The following WWC1 variants were observed in gnomAD, a reference collection of about 807,000 sequenced individuals.
The protein encoded by WWC1 is WW and C2 domain containing 1, also known as protein KIBRA.
WWC1 carries 55 observed loss-of-function variants against 138.4 expected under a neutral mutation model. That is an observed-to-expected ratio of 0.40 (90% CI 0.32 to 0.50). WWC1 has a LOEUF of 0.50. WWC1 is among the 20% of genes least tolerant of loss of function. The pLI, the probability that WWC1 is intolerant of heterozygous loss-of-function variation, is 0.72. For synonymous variants in WWC1, 524 were observed against 564.9 expected, an observed-to-expected ratio of 0.93 and a Z score of 1.03; for missense variants, 1,226 against 1,420.4, an observed-to-expected ratio of 0.86 and a Z score of 2.20.
intron 1 of WWC1, among the ~76,000 whole-genome samples, chr5:168,327,724 G>A (rs1772683820): frequency 1.3e-5 from 2 of 152,172 alleles, no homozygotes; most frequent in East Asian, 3.9e-4. Context: ...AAAGGCCAGT[G>A]CTTGTAGATA....
intron 1 of WWC1, among the ~76,000 whole-genome samples, chr5:168,332,816 C>G (rs1343350374): frequency 3.3e-5 from 5 of 152,090 alleles, no homozygotes; most frequent in Non-Finnish European, 1.5e-5. Context: ...TCAAGCCATC[C>G]TCCTGTCTCA....
At position 168,300,581 on chromosome 5, in the gene WWC1, GAA is replaced by G. The variant is rs111744543; in HGVS notation, c.119+8324_119+8325del. On this transcript the variant is annotated intron_variant, in intron 1 of 22. Coordinates refer to ENST00000265293, the MANE Select transcript of WWC1 (RefSeq NM_015238.3). ...TAAGTTCTCACTCAATGGTCAGCCA[GAA>G]AAAAAAAAAAAAATGAAGCTGCATC... 4.1e-3 allele frequency among the ~76,000 whole-genome samples: 568 copies of G among 137,202 alleles called. 4 individuals carry two copies. The highest frequency in any genetic ancestry group is 0.013 in the African/African-American group (502 of 37,222). 90.0% of individuals were successfully genotyped at this position (137,202 alleles called of 152,430 possible).
chr5:168,458,572 GC>G (rs1204830387), intron 19 of WWC1, among the ~76,000 whole-genome samples: 1 of 152,168 alleles, frequency 6.6e-6, no homozygotes, highest in Non-Finnish European at 1.5e-5. Context: ...GCTCTCCTCA[GC>G]CCCCATGTAT....
In WWC1 at chr5:168,385,308, A is replaced by G. The variant is rs763209673; in HGVS notation, c.327A>G (p.Ala109=). 20 of 1,613,984 alleles carry G rather than the reference A, an allele frequency of 1.2e-5. No individual in the cohort carries two copies. Among genetic ancestry groups the G allele is most frequent in the Admixed American group, 5.0e-5 (3 of 59,994 alleles). Residue 109 remains alanine, a synonymous_variant, in exon 3 of 23, where the codon GCA becomes GCG. Transcript: ENST00000265293. ...TGGTGGCCCAGGAGGCTCTGAGTGC[A>G]CAAAAGGAGATCTACCAGGTGAAGC... ...YLVVAQEALS[A]QKEIYQVKQQ... is the part of the protein sequence containing the mutation.
chr5:168,335,817 A>G (rs1008539298), intron 1 of WWC1, among the ~76,000 whole-genome samples: 1 of 152,250 alleles, frequency 6.6e-6, no homozygotes, highest in African/African-American at 2.4e-5. Context: ...AGATATGATT[A>G]CTTTCATTTC....
Position 168,423,890 on chromosome 5 carries a change from C to T in WWC1, c.1632C>T (p.Ser544=), listed in dbSNP as rs2302999. The change falls in exon 11 of 23, where the codon TCC becomes TCT. Residue 544 remains serine, a synonymous_variant. Coordinates refer to ENST00000265293, the MANE Select transcript of WWC1 (RefSeq NM_015238.3). Reference sequence around the variant, plus strand: ...CACGTTCCTCTCTCTCCTCCCCCTCCCCACCCTGTTCCCCTCTCATGGCTG... The same window carrying T: ...CACGTTCCTCTCTCTCCTCCCCCTCTCCACCCTGTTCCCCTCTCATGGCTG... The part of the protein sequence containing the change: ...LSPRSSLSSP[S]PPCSPLMADP... The T allele has an allele frequency of 2.3e-4, 365 of 1,614,116 alleles. 1 individual carries two copies. In the East Asian group the frequency reaches 4.7e-3, roughly 21 times the overall value.
At chr5:168,325,161 T>A (rs1449631206) in intron 1 of WWC1, among the ~76,000 whole-genome samples, 1 of 152,206 alleles carries the variant, frequency 6.6e-6, no homozygotes, top group Non-Finnish European at 1.5e-5. Context: ...ACCACGTGTG[T>A]CCTCCTTGTC....
intron 20 of WWC1, 136 bp downstream of exon 20, chr5:168,460,878 G>A: frequency 1.1e-6 from 1 of 875,222 alleles, no homozygotes; most frequent in Non-Finnish European, 1.8e-6. Context: ...GCTCTCTCAA[G>A]CATTTGCGAA....
At chr5:168,338,907 A>G (rs959687388) in intron 1 of WWC1, among the ~76,000 whole-genome samples, 3 of 152,194 alleles carry the variant, frequency 2.0e-5, no homozygotes, top group Non-Finnish European at 4.4e-5. Flanking sequence ...CTAGTGTTCT[A>G]TAGCACTAAA....
At chr5:168,378,640 A>G (rs1258820806) in intron 2 of WWC1, among the ~76,000 whole-genome samples, 1 of 152,164 alleles carries the variant, frequency 6.6e-6, no homozygotes, top group Non-Finnish European at 1.5e-5. Flanking sequence ...CTTTTAGTAT[A>G]TATTGCTAGA....
intron 1 of WWC1, among the ~76,000 whole-genome samples, chr5:168,339,845 C>CTTTCT (rs1773844641): frequency 6.8e-6 from 1 of 146,664 alleles, no homozygotes; most frequent in African/African-American, 2.6e-5. Flanking sequence ...TCTTTTCTTT[C>CTTTCT]TTTCTTTCTC....
At chr5:168,346,313 C>T (rs72828879) in intron 1 of WWC1, among the ~76,000 whole-genome samples, 6,817 of 152,284 alleles carry the variant, frequency 0.045, 229 homozygotes, top group Non-Finnish European at 0.068. Context: ...AGTGCGAGCC[C>T]AGTGTCACAG....
chr5:168,320,034 CTT>C (rs199986266), intron 1 of WWC1, among the ~76,000 whole-genome samples: 9 of 140,586 alleles, frequency 6.4e-5, no homozygotes, highest in Admixed American at 1.4e-4. Flanking sequence ...TATATATACA[CTT>C]TTTTTTTTTT....
chr5:168,343,043 A>T (rs898826338), intron 1 of WWC1, among the ~76,000 whole-genome samples: 1 of 151,962 alleles, frequency 6.6e-6, no homozygotes, highest in Non-Finnish European at 1.5e-5. Context: ...TTGTTTTATG[A>T]CCACCATCCA....
chr5:168,388,762 G>A (rs533655187), intron 3 of WWC1, among the ~76,000 whole-genome samples: 5 of 151,748 alleles, frequency 3.3e-5, no homozygotes, highest in African/African-American at 4.8e-5. Context: ...CCTGGGAGGC[G>A]GAGGTTGCAG....
At chr5:168,403,006 TTTTCTTTC>T (rs72242963) in intron 5 of WWC1, among the ~76,000 whole-genome samples, 9,733 of 105,100 alleles carry the variant, frequency 0.093, 562 homozygotes, top group Non-Finnish European at 0.12. Context: ...TGTTGTTTCT[TTTTCTTTC>T]TTTCTTTCTT....
intron 21 of WWC1, among the ~76,000 whole-genome samples, chr5:168,465,563 T>C (rs1757209165): frequency 7.4e-6 from 1 of 134,732 alleles, no homozygotes; most frequent in African/African-American, 2.9e-5. Flanking sequence ...TTTTTTTTTT[T>C]TTTTTTTTTT....
chr5:168,374,777 A>C (rs1472170182), intron 2 of WWC1, among the ~76,000 whole-genome samples: 1 of 152,168 alleles, frequency 6.6e-6, no homozygotes, highest in Non-Finnish European at 1.5e-5. Flanking sequence ...AGGCAAGGAG[A>C]CTTGTGAGCG....
chr5:168,385,339 C>T lies in WWC1; in HGVS notation c.358C>T (p.Arg120Cys), dbSNP rs375573316. The T allele has an allele frequency of 1.1e-5, 18 of 1,614,002 alleles. No individual in the cohort carries two copies. The highest frequency in any genetic ancestry group is 2.2e-5 in the East Asian group (1 of 44,890). Residue 120 changes from arginine (R) to cysteine (C), a missense_variant, in exon 3 of 23, where the codon CGC becomes TGC. Around this residue, in one of 3 missense-constraint regions of WWC1, gnomAD observed 1,016 missense variants for 1,153.9 expected, o/e 0.88. Transcript: ENST00000265293. The part of the protein sequence containing the change: ...QKEIYQVKQQ[R>C]LELAQQEYQQ... ...GGAGATCTACCAGGTGAAGCAGCAG[C>T]GCCTGGAGCTTGCACAGCAGGAGTA...
Sources: allele counts gnomAD v4.1 joint callset (sites outside exome capture counted in the v4.1 genomes callset), GRCh38; gene constraint gnomAD v4.1.1; regional missense constraint gnomAD v4.1.1; transcripts MANE v1.5; gene names NCBI Gene and HGNC (gene_info 2026-07-23, HGNC 2026-07-21).